Variants in ZBTB5 observed in about 807,000 individuals in gnomAD.
ZBTB5 encodes the protein zinc finger and BTB domain containing 5, also known as zinc finger and BTB domain-containing protein 5.
ZBTB5 carries 15 observed loss-of-function variants against 37.9 expected under a neutral mutation model. The ratio of observed to expected loss-of-function variants is 0.40; its 90% CI spans 0.26 to 0.61. The LOEUF is 0.61. Among genes scored for constraint, ZBTB5 ranks in the 20% least tolerant of loss-of-function variants. The pLI is 0.47. For missense variants in ZBTB5, 708 were observed against 856.8 expected, an observed-to-expected ratio of 0.83 and a Z score of 2.17; for synonymous variants, 315 against 312.4, an observed-to-expected ratio of 1.01 and a Z score of -0.09.
At chr9:37,463,265 T>C (rs1010524046) in intron 1 of ZBTB5, among the ~76,000 whole-genome samples, 2 of 152,196 alleles carry the variant, frequency 1.3e-5, no homozygotes, top group Non-Finnish European at 2.9e-5. Context: ...ACAAAAGGCA[T>C]AGTGTAGTGC....
At position 37,442,172 on chromosome 9, in the gene ZBTB5, G is replaced by A; in HGVS notation, c.380C>T (p.Ser127Phe). Residue 127 changes from serine (S) to phenylalanine (F), a missense_variant, in exon 2 of 2, where the codon TCT (serine) becomes TTT (phenylalanine). This residue lies in a region of ZBTB5 where 639 missense variants were observed against 690.5 expected (regional missense o/e 0.93). Transcript: ENST00000307750. Reference sequence around the variant, plus strand: ...CTCCTGAACGCGCTCACTGGGGGGAGACATGGGCAGCGTCCTTGTCGTTAA... The same window carrying A: ...CTCCTGAACGCGCTCACTGGGGGGAAACATGGGCAGCGTCCTTGTCGTTAA... ...HYLTTRTLPMSPPSERVQEQS... is the reference protein window; with the variant it reads ...HYLTTRTLPMFPPSERVQEQS... 1 of 1,614,228 alleles carries A rather than the reference G, an allele frequency of 6.2e-7. No individual in the cohort carries two copies. The highest frequency in any genetic ancestry group is 2.2e-5 in the East Asian group (1 of 44,888).
rs1824376679 is a variant in ZBTB5, at chr9:37,465,411, G to C, written c.-201C>G. The stretch of plus-strand genomic sequence containing the variant: ...TCCAGCCAGTTCGCCGCAGCACTCT[G>C]AGAACACGGCGGCGGCGCCCGAGGA... On this transcript the variant is annotated 5_prime_UTR_variant, in exon 1 of 2. Coordinates refer to ENST00000307750, the MANE Select transcript of ZBTB5 (RefSeq NM_014872.3). 6.9e-6 allele frequency: 1 copy of C among 143,958 alleles called. No individual in the cohort carries two copies. The highest frequency in any genetic ancestry group is 2.1e-4 in the South Asian group (1 of 4,708). 8.9% of individuals were successfully genotyped at this position (143,958 alleles called of 1,614,324 possible). A position where few individuals can be genotyped will look rare whatever the true frequency, so the allele number is the denominator to read the frequency against.
intron 1 of ZBTB5, among the ~76,000 whole-genome samples, chr9:37,451,639 A>C (rs1824106205): frequency 1.3e-5 from 2 of 152,282 alleles, no homozygotes; most frequent in South Asian, 2.1e-4. Context: ...ATGTATAAAG[A>C]AAGCCTGAAT....
chr9:37,441,191 G>T lies in ZBTB5; in HGVS notation c.1361C>A (p.Pro454His). 16 of 1,614,084 alleles carry T rather than the reference G, an allele frequency of 9.9e-6. No individual in the cohort carries two copies. Among genetic ancestry groups the T allele is most frequent in the Non-Finnish European group, 1.4e-5 (16 of 1,179,992 alleles). ...APYLLSPEAG[P>H]AGGPSSAPGS... Reference sequence around the variant, plus strand: ...AGGGGCAGAGGAGGGCCCACCTGCAGGCCCAGCCTCTGGACTCAACAAATA... The same window carrying T: ...AGGGGCAGAGGAGGGCCCACCTGCATGCCCAGCCTCTGGACTCAACAAATA... The change falls in exon 2 of 2, where the codon CCT (proline) becomes CAT (histidine). Residue 454 changes from proline to histidine, a missense_variant. Pro to His is a moderately conservative substitution (Grantham distance 77, BLOSUM62 -2). This residue lies in a region of ZBTB5 where 639 missense variants were observed against 690.5 expected (regional missense o/e 0.93). Coordinates refer to ENST00000307750, the MANE Select transcript of ZBTB5 (RefSeq NM_014872.3).
Position 37,438,130 on chromosome 9 carries a change from TA to T in ZBTB5, c.*2387del, listed in dbSNP as rs1192867084. The T allele has an allele frequency of 6.6e-6, 1 of 152,514 alleles. No homozygotes were observed. The allele number at this position is 152,514 out of a possible 1,614,324, so 9.4% of individuals were successfully genotyped here. A position where few individuals can be genotyped will look rare whatever the true frequency, so the allele number is the denominator to read the frequency against. On this transcript the variant is annotated 3_prime_UTR_variant, in exon 2 of 2. Coordinates refer to ENST00000307750, the MANE Select transcript of ZBTB5 (RefSeq NM_014872.3). ...AGAGGCATGAATATGACAAATTTTT[TA>T]TTTCAAAAATCTCAAGTTGTAACCA...
At chr9:37,463,623 T>C (rs1305274441) in intron 1 of ZBTB5, among the ~76,000 whole-genome samples, 2 of 152,254 alleles carry the variant, frequency 1.3e-5, no homozygotes. Flanking sequence ...AGTGATTTTT[T>C]ATTACTTCCA....
intron 1 of ZBTB5, among the ~76,000 whole-genome samples, chr9:37,453,926 A>G (rs1241612656): frequency 1.3e-5 from 2 of 152,222 alleles, no homozygotes; most frequent in African/African-American, 2.4e-5. Context: ...AACACAGAAG[A>G]GAGTGATACC....
At chr9:37,454,323 G>A (rs1824151294) in intron 1 of ZBTB5, among the ~76,000 whole-genome samples, 1 of 152,160 alleles carries the variant, frequency 6.6e-6, no homozygotes, top group African/African-American at 2.4e-5. Context: ...CTCAGGCTGA[G>A]TAAATTAAGA....
chr9:37,464,117 A>C (rs1331723546), intron 1 of ZBTB5, among the ~76,000 whole-genome samples: 1 of 152,194 alleles, frequency 6.6e-6, no homozygotes, highest in East Asian at 1.9e-4. Flanking sequence ...TCCCCACAGA[A>C]ATCACAAGAG....
intron 1 of ZBTB5, among the ~76,000 whole-genome samples, chr9:37,449,292 T>C (rs1016340853): frequency 1.3e-5 from 2 of 152,312 alleles, no homozygotes; most frequent in African/African-American, 2.4e-5. Flanking sequence ...GTTTTATATT[T>C]TGGCATTAAG....
At chr9:37,446,325 G>T (rs968887167) in intron 1 of ZBTB5, among the ~76,000 whole-genome samples, 1 of 152,138 alleles carries the variant, frequency 6.6e-6, no homozygotes, top group Non-Finnish European at 1.5e-5. Context: ...AGCCTTACAG[G>T]CCAAAGTTGG....
At chr9:37,453,998 C>T (rs1824145658) in intron 1 of ZBTB5, among the ~76,000 whole-genome samples, 1 of 152,154 alleles carries the variant, frequency 6.6e-6, no homozygotes, top group South Asian at 2.1e-4. Flanking sequence ...GTTGGCACCA[C>T]CCTAGGACTT....
At position 37,442,177 on chromosome 9, in the gene ZBTB5, G is replaced by T. The variant is rs1438186534; in HGVS notation, c.375C>A (p.Pro125=). The T allele has an allele frequency of 6.2e-7, 1 of 1,614,188 alleles. No homozygotes were observed. The highest frequency in any genetic ancestry group is 8.5e-7 in the Non-Finnish European group (1 of 1,180,040). The part of the protein sequence containing the change: ...CKHYLTTRTL[P]MSPPSERVQE... ...GAACGCGCTCACTGGGGGGAGACAT[G>T]GGCAGCGTCCTTGTCGTTAAGTAAT... The change falls in exon 2 of 2, where the codon CCC becomes CCA. Residue 125 remains proline, a synonymous_variant. Transcript: ENST00000307750.
chr9:37,450,036 A>G (rs1824073555), intron 1 of ZBTB5, among the ~76,000 whole-genome samples: 1 of 152,054 alleles, frequency 6.6e-6, no homozygotes, highest in South Asian at 2.1e-4. Context: ...TGCTATATAA[A>G]CGTCACACGT....
At chr9:37,456,204 GC>G (rs1186309325) in intron 1 of ZBTB5, among the ~76,000 whole-genome samples, 2 of 152,150 alleles carry the variant, frequency 1.3e-5, no homozygotes, top group Admixed American at 6.5e-5. Context: ...ACCTGCCTCA[GC>G]CTCCCAAAGT....
At chr9:37,455,278 G>C (rs1031653971) in intron 1 of ZBTB5, among the ~76,000 whole-genome samples, 2 of 152,100 alleles carry the variant, frequency 1.3e-5, no homozygotes, top group African/African-American at 4.8e-5. Flanking sequence ...AGAGAGATCG[G>C]CCACAGGACA....
At chr9:37,453,655 G>A (rs1371790510) in intron 1 of ZBTB5, among the ~76,000 whole-genome samples, 2 of 152,048 alleles carry the variant, frequency 1.3e-5, no homozygotes, top group South Asian at 2.1e-4. Flanking sequence ...AGTACAGATC[G>A]AACTGCCCCA....
In ZBTB5 at chr9:37,442,536, G is replaced by T; in HGVS notation, c.16C>A (p.His6Asn). The T allele has an allele frequency of 6.2e-7, 1 of 1,601,702 alleles. No individual in the cohort carries two copies. Among genetic ancestry groups the T allele is most frequent in the South Asian group, 1.1e-5 (1 of 90,060 alleles). MDFPG[H>N]FEQIFQQLNY... ...AGCTGCTGGAAGATTTGTTCAAAGT[G>T]ACCAGGAAAATCCATGATCCTACAG... Residue 6 changes from histidine to asparagine, a missense_variant, in exon 2 of 2, where the codon CAC becomes AAC. His to Asn is a moderately conservative substitution (Grantham distance 68). Coordinates refer to ENST00000307750, the MANE Select transcript of ZBTB5 (RefSeq NM_014872.3).
Position 37,442,048 on chromosome 9 carries a change from T to C in ZBTB5, c.504A>G (p.Pro168=). ...LNSSQNGEEQ[P]APMSSSMRSN... The stretch of plus-strand genomic sequence containing the variant: ...TGCGCATGGAAGAGCTCATGGGGGC[T>C]GGCTGCTCCTCGCCATTCTGGCTGG... Residue 168 remains proline, a synonymous_variant, in exon 2 of 2, where the codon CCA becomes CCG. Coordinates refer to ENST00000307750, the MANE Select transcript of ZBTB5 (RefSeq NM_014872.3). 1 of 1,613,914 alleles carries C rather than the reference T, an allele frequency of 6.2e-7. No individual in the cohort carries two copies. The highest frequency in any genetic ancestry group is 8.5e-7 in the Non-Finnish European group (1 of 1,180,036).
Sources: gnomAD v4.1 joint callset for allele counts (sites outside exome capture counted in the v4.1 genomes callset) on GRCh38, gnomAD v4.1.1 for gene constraint, gnomAD v4.1.1 regional missense constraint, MANE v1.5 for transcripts, NCBI Gene and HGNC (gene_info 2026-07-23, HGNC 2026-07-21) for gene names.